Variants in ZNF326 observed in about 807,000 individuals in gnomAD.
ZNF326 encodes the protein zinc finger protein 326.
ZNF326 carries 30 observed loss-of-function variants against 63.1 expected under a neutral mutation model. That is an observed-to-expected ratio of 0.48 (90% CI 0.36 to 0.64). The LOEUF (loss-of-function observed/expected upper bound fraction) is 0.64. Ranked by LOEUF, ZNF326 falls within the 30% of genes least tolerant of loss-of-function variation. ZNF326 has a pLI of 0.00. For synonymous variants in ZNF326, 194 were observed against 228.2 expected, an observed-to-expected ratio of 0.85 and a Z score of 1.35; for missense variants, 609 against 720.3, an observed-to-expected ratio of 0.85 and a Z score of 1.77.
At position 90,027,353 on chromosome 1, in the gene ZNF326, G is replaced by T; in HGVS notation, c.1402-1G>T. The T allele has an allele frequency of 6.2e-7, 1 of 1,612,564 alleles. No individual in the cohort carries two copies. The highest frequency in any genetic ancestry group is 1.1e-5 in the South Asian group (1 of 90,760). On this transcript the variant is annotated splice_acceptor_variant, in intron 11 of 11. Coordinates refer to ENST00000340281, the MANE Select transcript of ZNF326 (RefSeq NM_182976.4). LOFTEE classifies it high-confidence loss of function. ...TTGAAAGCCATTTCTTATGTTTTTAGGGTGAGAATCCTTTTGAAATTCAAG... is the reference window on the plus strand; with the variant it reads ...TTGAAAGCCATTTCTTATGTTTTTATGGTGAGAATCCTTTTGAAATTCAAG...
intron 11 of ZNF326, among the ~76,000 whole-genome samples, chr1:90,024,575 A>C (rs1229955649): frequency 1.3e-5 from 2 of 152,098 alleles, no homozygotes. Flanking sequence ...CTCATGTCTC[A>C]GATTTCATTC....
intron 2 of ZNF326, among the ~76,000 whole-genome samples, chr1:90,000,919 T>C (rs1648643532): frequency 1.3e-5 from 2 of 152,172 alleles, no homozygotes; most frequent in Admixed American, 1.3e-4. Context: ...AAAATGGGTA[T>C]ACACCTTGTG....
chr1:90,012,556 C>T (rs1378283353), intron 6 of ZNF326, among the ~76,000 whole-genome samples: 1 of 152,140 alleles, frequency 6.6e-6, no homozygotes, highest in African/African-American at 2.4e-5. Context: ...TTGAATTGCA[C>T]ATTTTAAAAT....
rs1199626567 is a variant in ZNF326 at position 90,028,471 on chromosome 1, GT to G, written c.*772del. On this transcript the variant is annotated 3_prime_UTR_variant, in exon 12 of 12. Transcript: ENST00000340281. The stretch of plus-strand genomic sequence containing the variant: ...CCTTATTTATACTCTTTTTAAGTTT[GT>G]TCCTTTTCCCTGTGCCTGTGTCAAA... The G allele has an allele frequency of 3.3e-5, 5 of 152,058 alleles. No homozygotes were observed. Among genetic ancestry groups the G allele is most frequent in the Admixed American group, 2.6e-4 (4 of 15,276 alleles). The allele number at this position is 152,058 out of a possible 1,614,324, so 9.4% of individuals were successfully genotyped here. A position where few individuals can be genotyped will look rare whatever the true frequency, so the allele number is the denominator to read the frequency against.
intron 3 of ZNF326, 22 bp from the exon 4 acceptor site, chr1:90,005,111 T>C: frequency 6.2e-7 from 1 of 1,613,908 alleles, no homozygotes; most frequent in Non-Finnish European, 8.5e-7. Flanking sequence ...CATATAACTT[T>C]TTTCTTTTTA....
chr1:89,995,160 C>A lies in ZNF326; in HGVS notation c.-98C>A. On this transcript the variant is annotated 5_prime_UTR_variant, in exon 1 of 12. Transcript: ENST00000340281. ...GGGCTGGTAGCGCGCCGCTCTCGGT[C>A]GCGCGGAGTGATCGTGTGGAATCGC... 1.4e-6 allele frequency: 2 copies of A among 1,425,228 alleles called. No homozygotes were observed. The highest frequency in any genetic ancestry group is 1.9e-6 in the Non-Finnish European group (2 of 1,060,326). The allele number at this position is 1,425,228 out of a possible 1,614,324, so 88.3% of individuals were successfully genotyped here. A position where few individuals can be genotyped will look rare whatever the true frequency, so the allele number is the denominator to read the frequency against.
At position 89,995,193 on chromosome 1, in the gene ZNF326, G is replaced by T; in HGVS notation, c.-65G>T. The T allele has an allele frequency of 6.6e-7, 1 of 1,518,086 alleles. No homozygotes were observed. Among genetic ancestry groups the T allele is most frequent in the Non-Finnish European group, 8.8e-7 (1 of 1,135,588 alleles). The allele number at this position is 1,518,086 out of a possible 1,614,324, so 94.0% of individuals were successfully genotyped here. On this transcript the variant is annotated 5_prime_UTR_variant, in exon 1 of 12. Transcript: ENST00000340281. Reference sequence around the variant, plus strand: ...GTGATCGTGTGGAATCGCGGGTCGCGGACGCTCGCCGCCGGCCATAGCTCA... The same window carrying T: ...GTGATCGTGTGGAATCGCGGGTCGCTGACGCTCGCCGCCGGCCATAGCTCA...
chr1:90,018,472 T>A (rs541002211), intron 8 of ZNF326, among the ~76,000 whole-genome samples: 5 of 152,306 alleles, frequency 3.3e-5, no homozygotes, highest in Admixed American at 1.3e-4. Flanking sequence ...TCCCTTTCTC[T>A]ATATGCTTAA....
intron 11 of ZNF326, among the ~76,000 whole-genome samples, chr1:90,026,045 G>A (rs188724773): frequency 1.3e-5 from 2 of 151,542 alleles, no homozygotes; most frequent in Admixed American, 6.6e-5. Flanking sequence ...CTCACTGCAG[G>A]CTCCACCTCC....
intron 1 of ZNF326, among the ~76,000 whole-genome samples, 161 bp from the exon 2 acceptor site, chr1:89,997,949 A>G (rs1648477218): frequency 6.6e-6 from 1 of 152,244 alleles, no homozygotes; most frequent in African/African-American, 2.4e-5. Flanking sequence ...ATTTTCTGGA[A>G]TGGAGTATTG....
intron 4 of ZNF326, chr1:90,005,941 C>G: frequency 1.0e-6 from 1 of 985,398 alleles, no homozygotes. Context: ...CCTACTTAAA[C>G]AACTACAAGC....
At chr1:89,999,117 T>C (rs1438107950) in intron 2 of ZNF326, among the ~76,000 whole-genome samples, 1 of 152,200 alleles carries the variant, frequency 6.6e-6, no homozygotes, top group Non-Finnish European at 1.5e-5. Flanking sequence ...GTAAGTTATA[T>C]TGAAAACTGG....
At chr1:90,003,128 CTT>C (rs35203888) in intron 2 of ZNF326, among the ~76,000 whole-genome samples, 12 of 137,636 alleles carry the variant, frequency 8.7e-5, no homozygotes, top group Admixed American at 1.5e-4. Context: ...TCACTTAGTT[CTT>C]TTTTTTTTTT....
rs1357621741 is a variant in ZNF326, at chr1:90,002,857, T to C, written c.62-2146T>C. On this transcript the variant is annotated intron_variant, in intron 2 of 11. Coordinates refer to ENST00000340281, the MANE Select transcript of ZNF326 (RefSeq NM_182976.4). Reference sequence around the variant, plus strand: ...ATCTTTTTTACCATATATTATTTTGTAATATCGGCATTATTTGGAAAATAC... The same window carrying C: ...ATCTTTTTTACCATATATTATTTTGCAATATCGGCATTATTTGGAAAATAC... 3.3e-5 allele frequency among the ~76,000 whole-genome samples: 5 copies of C among 152,348 alleles called. No individual in the cohort carries two copies. In the South Asian group the frequency reaches 8.3e-4, roughly 25 times the overall value.
In ZNF326 at chr1:90,031,005, GGTA is replaced by G. The variant is rs1447041577; in HGVS notation, c.*3307_*3309del. ...AACAAATATCTCACATGATTTTGAA[GGTA>G]GTGGTCAGTGATTGCACTTTGAGGA... is the stretch of plus-strand genomic sequence containing the variant. On this transcript the variant is annotated 3_prime_UTR_variant, in exon 12 of 12. Transcript: ENST00000340281. 5.3e-5 allele frequency: 8 copies of G among 152,306 alleles called. No homozygotes were observed. The South Asian group carries it at 1.0e-3, about 20-fold the overall frequency. The allele number at this position is 152,306 out of a possible 1,614,324, so 9.4% of individuals were successfully genotyped here.
At chr1:90,008,198 T>C (rs543410466) in intron 5 of ZNF326, among the ~76,000 whole-genome samples, 1 of 152,362 alleles carries the variant, frequency 6.6e-6, no homozygotes, top group East Asian at 1.9e-4. Context: ...AGCTCCATGT[T>C]TCACATTAAA....
intron 2 of ZNF326, among the ~76,000 whole-genome samples, chr1:90,004,143 GA>G (rs894813689): frequency 6.6e-6 from 1 of 151,116 alleles, no homozygotes; most frequent in Non-Finnish European, 1.5e-5. Flanking sequence ...TATATAGGCA[GA>G]ATTGCAGTGT....
intron 9 of ZNF326, 126 bp downstream of exon 9, chr1:90,018,910 G>A (rs940935728): frequency 2.0e-5 from 8 of 406,846 alleles, no homozygotes; most frequent in Non-Finnish European, 3.5e-5. Flanking sequence ...CTCTGAGTGA[G>A]TTACCAGAAA....
chr1:90,011,516 GTT>G (rs11317576), intron 6 of ZNF326, among the ~76,000 whole-genome samples: 7,983 of 126,768 alleles, frequency 0.063, 520 homozygotes, highest in African/African-American at 0.17. Flanking sequence ...AAATAGTTAA[GTT>G]TTTTTTTTTT....
Sources: allele counts gnomAD v4.1 joint callset (sites outside exome capture counted in the v4.1 genomes callset), GRCh38; gene constraint gnomAD v4.1.1; transcripts MANE v1.5; gene names NCBI Gene and HGNC (gene_info 2026-07-23, HGNC 2026-07-21).